HGF: variants seen among roughly 807,000 people sequenced by gnomAD.
HGF encodes fibroblast-derived tumor cytotoxic factor.
HGF carries 39 observed loss-of-function variants against 111.6 expected under a neutral mutation model. That is an observed-to-expected ratio of 0.35 (90% CI 0.27 to 0.46). HGF has a LOEUF of 0.46. Ranked by LOEUF, HGF falls within the 20% of genes least tolerant of loss-of-function variation. HGF has a pLI of 1.00. For synonymous variants in HGF, 285 were observed against 294.8 expected (o/e 0.97, Z 0.34); for missense variants, 735 against 910.5 (o/e 0.81, Z 2.48).
intron 8 of HGF, among the ~76,000 whole-genome samples, chr7:81,726,367 T>C (rs1242953432): frequency 6.6e-6 from 1 of 152,228 alleles, no homozygotes; most frequent in Non-Finnish European, 1.5e-5. Context: ...TGGCCTGTTA[T>C]TTATTACATG....
rs555551446 is a variant in HGF, at chr7:81,704,047, T to C, written c.2011-1290A>G. Among the ~76,000 whole-genome samples, 15 of 151,934 alleles carry C rather than the reference T, an allele frequency of 9.9e-5. No homozygotes were observed. The South Asian group carries it at 3.1e-3, about 31-fold the overall frequency. ...TACAAACATTTGGGAGATATCTCCT[T>C]CAAATTTATTTCAGTGGCTAAATTA... On this transcript the variant is annotated intron_variant, in intron 17 of 17. Coordinates refer to ENST00000222390, the MANE Select transcript of HGF (RefSeq NM_000601.6).
intron 9 of HGF, among the ~76,000 whole-genome samples, chr7:81,723,898 A>G (rs988651452): frequency 1.3e-5 from 2 of 151,636 alleles, no homozygotes; most frequent in African/African-American, 2.4e-5. Flanking sequence ...ATCTAAGTAG[A>G]TAGATCTATC....
intron 17 of HGF, among the ~76,000 whole-genome samples, 162 bp from the exon 18 acceptor site, chr7:81,702,919 A>T (rs930373124): frequency 1.3e-5 from 2 of 151,766 alleles, no homozygotes; most frequent in African/African-American, 4.8e-5. Flanking sequence ...ACATTTGTTG[A>T]CTTTCTACTG....
At chr7:81,703,582 T>A (rs1789344000) in intron 17 of HGF, among the ~76,000 whole-genome samples, 1 of 149,238 alleles carries the variant, frequency 6.7e-6, no homozygotes, top group Admixed American at 6.7e-5. Flanking sequence ...TATATAAAAA[T>A]ATATAATAAG....
chr7:81,719,564 G>A (rs1161334332), intron 10 of HGF, among the ~76,000 whole-genome samples: 1 of 152,080 alleles, frequency 6.6e-6, no homozygotes, highest in East Asian at 1.9e-4. Context: ...TAATTATTTT[G>A]TATTAAATAC....
intron 7 of HGF, among the ~76,000 whole-genome samples, chr7:81,739,775 G>C (rs957236476): frequency 6.6e-6 from 1 of 152,090 alleles, no homozygotes; most frequent in Non-Finnish European, 1.5e-5. Flanking sequence ...GAGAGTCTTT[G>C]TGTTTTCCTG....
rs368461218 is a variant in HGF, at chr7:81,759,646, A to C, written c.255-842T>G. The stretch of plus-strand genomic sequence containing the variant: ...CAGCCTCCCGAGTAGCTGGGACTAC[A>C]GGTGCCCACCACCACGCCTCGCTAA... On this transcript the variant is annotated intron_variant, in intron 2 of 17. Coordinates refer to ENST00000222390, the MANE Select transcript of HGF (RefSeq NM_000601.6). Among the ~76,000 whole-genome samples the C allele has an allele frequency of 1.6e-3, 238 of 152,186 alleles. 2 individuals carry two copies. The highest frequency in any genetic ancestry group is 5.4e-3 in the African/African-American group (226 of 41,524).
intron 11 of HGF, among the ~76,000 whole-genome samples, chr7:81,713,185 T>G (rs1199194217): frequency 6.6e-6 from 1 of 152,182 alleles, no homozygotes; most frequent in Non-Finnish European, 1.5e-5. Context: ...GTCAACAAAA[T>G]GCTTAGTTAA....
At chr7:81,710,890 C>T (rs193260274) in intron 12 of HGF, among the ~76,000 whole-genome samples, 13 of 152,230 alleles carry the variant, frequency 8.5e-5, no homozygotes, top group Admixed American at 4.6e-4. Flanking sequence ...CATTTGCTTC[C>T]TGAGCCTGGG....
chr7:81,713,057 C>A (rs1171563115), intron 11 of HGF, among the ~76,000 whole-genome samples: 4 of 152,044 alleles, frequency 2.6e-5, no homozygotes, highest in Non-Finnish European at 4.4e-5. Flanking sequence ...CCACGTAAGT[C>A]AAATACTTGA....
intron 7 of HGF, chr7:81,736,690 A>T: frequency 2.1e-6 from 1 of 470,636 alleles, no homozygotes; most frequent in Admixed American, 2.3e-5. Context: ...AAGAGACTAT[A>T]ATGAGAACAT....
intron 1 of HGF, among the ~76,000 whole-genome samples, chr7:81,769,308 G>A (rs890788112): frequency 2.0e-5 from 3 of 152,254 alleles, no homozygotes; most frequent in Non-Finnish European, 4.4e-5. Context: ...GCAGGCATCC[G>A]TACCCAGAAA....
At chr7:81,723,199 G>T (rs1583940976) in intron 9 of HGF, among the ~76,000 whole-genome samples, 1 of 152,156 alleles carries the variant, frequency 6.6e-6, no homozygotes, top group East Asian at 1.9e-4. Context: ...CCATAAACAA[G>T]AAACTAATGA....
chr7:81,725,106 G>T (rs940715577), intron 9 of HGF, among the ~76,000 whole-genome samples: 1 of 152,132 alleles, frequency 6.6e-6, no homozygotes, highest in Non-Finnish European at 1.5e-5. Context: ...GCTATTTTCC[G>T]AAATGCAGCC....
At chr7:81,755,962 A>G (rs781676225) in intron 4 of HGF, 2 of 700,542 alleles carry the variant, frequency 2.9e-6, no homozygotes, top group Non-Finnish European at 5.2e-6. Flanking sequence ...GTGTTGGTCA[A>G]TAACTCATCT....
intron 5 of HGF, among the ~76,000 whole-genome samples, chr7:81,745,618 G>C (rs889578521): frequency 6.6e-6 from 1 of 152,138 alleles, no homozygotes; most frequent in African/African-American, 2.4e-5. Flanking sequence ...TAAGAGACTG[G>C]CTTCATATAG....
At position 81,762,875 on chromosome 7, in the gene HGF, A is replaced by G. The variant is rs898079266; in HGVS notation, c.89-3T>C. 4 of 1,469,284 alleles carry G rather than the reference A, an allele frequency of 2.7e-6. No homozygotes were observed. Among genetic ancestry groups the G allele is most frequent in the South Asian group, 1.1e-5 (1 of 87,340 alleles). 91.0% of individuals were successfully genotyped at this position (1,469,284 alleles called of 1,614,324 possible). A position where few individuals can be genotyped will look rare whatever the true frequency, so the allele number is the denominator to read the frequency against. ...ATTTCTTCTTTTCCTTTGTCCCTCTATTAAATACAAAATGTTTTAAAAAAA... is the reference window on the plus strand; with the variant it reads ...ATTTCTTCTTTTCCTTTGTCCCTCTGTTAAATACAAAATGTTTTAAAAAAA... On this transcript the variant is annotated splice_region_variant and splice_polypyrimidine_tract_variant and intron_variant, in intron 1 of 17. Coordinates refer to ENST00000222390, the MANE Select transcript of HGF (RefSeq NM_000601.6).
intron 1 of HGF, among the ~76,000 whole-genome samples, chr7:81,768,781 G>A (rs5745621): frequency 0.023 from 3,502 of 152,164 alleles, 125 homozygotes; most frequent in African/African-American, 0.081. Flanking sequence ...AATGCTTTCA[G>A]AGTGACCCTT....
intron 9 of HGF, 54 bp downstream of exon 9, chr7:81,725,836 T>G: frequency 6.3e-7 from 1 of 1,596,202 alleles, no homozygotes; most frequent in South Asian, 1.1e-5. Context: ...GTCCTCCCTT[T>G]AGGCATTTCC....
Sources: gnomAD v4.1 joint callset for allele counts (sites outside exome capture counted in the v4.1 genomes callset) on GRCh38, gnomAD v4.1.1 for gene constraint, MANE v1.5 for transcripts, NCBI Gene and HGNC (gene_info 2026-07-23, HGNC 2026-07-21) for gene names.